Variants in CYP19A1 observed in about 807,000 individuals in gnomAD.
The protein encoded by CYP19A1 is aromatase.
Under a neutral mutation model 44.4 loss-of-function variants are expected in CYP19A1, and 32 were observed. The observed-to-expected ratio is 0.72, with a 90% CI of 0.54 to 0.97. The LOEUF (loss-of-function observed/expected upper bound fraction) is 0.97. Among genes scored for constraint, CYP19A1 ranks in the 50% least tolerant of loss-of-function variants. The pLI is 0.00. For missense variants in CYP19A1, 598 were observed against 637.8 expected (o/e 0.94, Z 0.67); for synonymous variants, 212 against 215.6 (o/e 0.98, Z 0.14).
At chr15:51,264,381 G>A (rs139178268) in intron 1 of CYP19A1, among the ~76,000 whole-genome samples, 83 of 152,162 alleles carry the variant, frequency 5.5e-4, no homozygotes, top group Non-Finnish European at 1.1e-3. Flanking sequence ...CAGGAGTCGG[G>A]GGGGAGGGTA....
intron 1 of CYP19A1, among the ~76,000 whole-genome samples, chr15:51,288,776 C>T (rs1403633094): frequency 2.6e-5 from 4 of 152,178 alleles, no homozygotes; most frequent in African/African-American, 9.7e-5. Context: ...ACACCCTTCC[C>T]CCATATCCTA....
At chr15:51,315,316 G>C (rs2036404274) in intron 1 of CYP19A1, among the ~76,000 whole-genome samples, 1 of 152,060 alleles carries the variant, frequency 6.6e-6, no homozygotes, top group Non-Finnish European at 1.5e-5. Context: ...GACCCCTCAT[G>C]GTGCATGCTT....
intron 2 of CYP19A1, among the ~76,000 whole-genome samples, chr15:51,238,332 T>C (rs1268867655): frequency 6.6e-6 from 1 of 152,220 alleles, no homozygotes; most frequent in Non-Finnish European, 1.5e-5. Flanking sequence ...TAAACTGTCA[T>C]TAGATATATT....
At chr15:51,297,869 C>CACACACACACACACACACACA (rs3078038) in intron 1 of CYP19A1, among the ~76,000 whole-genome samples, 2 of 149,456 alleles carry the variant, frequency 1.3e-5, no homozygotes, top group African/African-American at 2.5e-5. Context: ...CACACACACA[C>CACACACACACACACACACACA]CCTAGGCCTG....
intron 5 of CYP19A1, chr15:51,221,367 A>G (rs2032062422): frequency 6.6e-6 from 1 of 152,198 alleles, no homozygotes; most frequent in Non-Finnish European, 1.5e-5. Context: ...TTTAAGAAGA[A>G]AACAAAAAGG....
At position 51,308,327 on chromosome 15, in the gene CYP19A1, C is replaced by A. The variant is rs538417795; in HGVS notation, c.-39+30168G>T. Reference sequence around the variant, plus strand: ...CCCCACCAAGTCGGTCCTCTGTCCCCAACTTACCCTCCTGGTCAGAGGAAA... The same window carrying A: ...CCCCACCAAGTCGGTCCTCTGTCCCAAACTTACCCTCCTGGTCAGAGGAAA... On this transcript the variant is annotated intron_variant, in intron 1 of 9. Coordinates refer to ENST00000396402, the MANE Select transcript of CYP19A1 (RefSeq NM_000103.4). Among the ~76,000 whole-genome samples the A allele has an allele frequency of 9.2e-5, 14 of 152,364 alleles. No individual in the cohort carries two copies. In the South Asian group the frequency reaches 2.7e-3, roughly 29 times the overall value.
intron 1 of CYP19A1, among the ~76,000 whole-genome samples, chr15:51,331,392 A>G (rs1285798872): frequency 6.6e-6 from 1 of 152,216 alleles, no homozygotes; most frequent in African/African-American, 2.4e-5. Context: ...TGAGTCAGCC[A>G]AGACATTCCT....
At chr15:51,222,310 G>T (rs2032161771) in intron 5 of CYP19A1, 39 bp downstream of exon 5, 4 of 1,614,056 alleles carry the variant, frequency 2.5e-6, no homozygotes, top group Non-Finnish European at 3.4e-6. Context: ...GTTCAGTAAA[G>T]GACAGATGGT....
At chr15:51,267,518 G>A (rs1488796277) in intron 1 of CYP19A1, among the ~76,000 whole-genome samples, 4 of 152,158 alleles carry the variant, frequency 2.6e-5, no homozygotes, top group Admixed American at 1.3e-4. Context: ...TTGGCTGTAC[G>A]CCGAGGTCTG....
chr15:51,315,730 C>T (rs2141016958), intron 1 of CYP19A1: 1 of 152,340 alleles, frequency 6.6e-6, no homozygotes, highest in South Asian at 2.1e-4. Context: ...TAATTCAGGG[C>T]CCTGCAGATT....
chr15:51,246,145 G>T (rs2034042049), intron 1 of CYP19A1, among the ~76,000 whole-genome samples: 1 of 152,144 alleles, frequency 6.6e-6, no homozygotes, highest in African/African-American at 2.4e-5. Flanking sequence ...ATTCTAATGG[G>T]CCACGTGGGT....
At chr15:51,258,809 C>A (rs1287444112) in intron 1 of CYP19A1, among the ~76,000 whole-genome samples, 4 of 152,168 alleles carry the variant, frequency 2.6e-5, no homozygotes, top group African/African-American at 9.7e-5. Flanking sequence ...TTAGAGAAGA[C>A]TTTTCTTTTT....
At chr15:51,282,839 C>G (rs1213624296) in intron 1 of CYP19A1, among the ~76,000 whole-genome samples, 1 of 152,184 alleles carries the variant, frequency 6.6e-6, no homozygotes. Flanking sequence ...AGGGTAACAA[C>G]AGGACAAAGT....
intron 1 of CYP19A1, among the ~76,000 whole-genome samples, chr15:51,292,570 C>A (rs1294157023): frequency 2.0e-5 from 3 of 152,226 alleles, no homozygotes; most frequent in Non-Finnish European, 4.4e-5. Context: ...CAGTCTTGAG[C>A]CTTTGAATTG....
chr15:51,281,204 C>A (rs922046722), intron 1 of CYP19A1, among the ~76,000 whole-genome samples: 1 of 152,192 alleles, frequency 6.6e-6, no homozygotes, highest in Non-Finnish European at 1.5e-5. Flanking sequence ...TAGAAAGGAC[C>A]CACTCCTACC....
chr15:51,227,262 T>C (rs939399676), intron 4 of CYP19A1, among the ~76,000 whole-genome samples: 1 of 152,136 alleles, frequency 6.6e-6, no homozygotes, highest in Non-Finnish European at 1.5e-5. Flanking sequence ...TTGTAGGAGA[T>C]AACAACATTT....
At chr15:51,224,318 A>G (rs1380734989) in intron 4 of CYP19A1, among the ~76,000 whole-genome samples, 1 of 152,242 alleles carries the variant, frequency 6.6e-6, no homozygotes, top group Non-Finnish European at 1.5e-5. Flanking sequence ...CAGGGAGTCT[A>G]ACTCCAAAAG....
chr15:51,288,140 G>A lies in CYP19A1; in HGVS notation c.-38-45190C>T, dbSNP rs145235316. 3.3e-3 allele frequency among the ~76,000 whole-genome samples: 499 copies of A among 152,220 alleles called. 4 individuals carry two copies. Among genetic ancestry groups the A allele is most frequent in the African/African-American group, 0.011 (477 of 41,518 alleles). On this transcript the variant is annotated intron_variant, in intron 1 of 9. Coordinates refer to ENST00000396402, the MANE Select transcript of CYP19A1 (RefSeq NM_000103.4). ...TCCCTGGCCTGCTGGTGTTGGTAGC[G>A]CTCAGCAGTTGTGCAGTGATTTTTG...
intron 1 of CYP19A1, among the ~76,000 whole-genome samples, chr15:51,331,350 C>T (rs2036698144): frequency 6.6e-6 from 1 of 152,058 alleles, no homozygotes; most frequent in African/African-American, 2.4e-5. Flanking sequence ...ATAAGGCTGG[C>T]TACGAAAAGG....
Sources: gnomAD v4.1 joint callset for allele counts (sites outside exome capture counted in the v4.1 genomes callset) on GRCh38, gnomAD v4.1.1 for gene constraint, MANE v1.5 for transcripts, NCBI Gene and HGNC (gene_info 2026-07-23, HGNC 2026-07-21) for gene names.